Variants in CNGB3 observed in about 807,000 individuals in gnomAD.
CNGB3 encodes the protein cyclic nucleotide gated channel subunit beta 3, also known as cyclic nucleotide-gated channel beta-3.
A neutral mutation model predicts 92.8 loss-of-function variants in CNGB3; 86 were observed. That is an observed-to-expected ratio of 0.93 (90% CI 0.78 to 1.11). CNGB3 has a LOEUF of 1.11. Ranked by LOEUF, CNGB3 falls within the 50% of genes least tolerant of loss-of-function variation. The pLI is 0.00. For missense variants in CNGB3, 1,026 were observed against 956.8 expected (o/e 1.07, Z -0.95); for synonymous variants, 333 against 332.7 (o/e 1.00, Z -0.01).
chr8:86,642,893 T>C (rs1314452492), intron 10 of CNGB3, among the ~76,000 whole-genome samples: 2 of 151,578 alleles, frequency 1.3e-5, no homozygotes, highest in African/African-American at 4.8e-5. Context: ...TTAGTGGTTA[T>C]AGCTGACTCA....
intron 3 of CNGB3, among the ~76,000 whole-genome samples, chr8:86,689,124 T>G (rs561185109): frequency 1.3e-5 from 2 of 151,682 alleles, no homozygotes; most frequent in Admixed American, 1.3e-4. Context: ...TATTCCATTG[T>G]GGTCAGAGAA....
intron 2 of CNGB3, among the ~76,000 whole-genome samples, chr8:86,733,649 T>C (rs914054062): frequency 3.9e-5 from 6 of 152,228 alleles, no homozygotes; most frequent in Non-Finnish European, 8.8e-5. Flanking sequence ...GCCATAGTAG[T>C]ACTTCCTATG....
intron 15 of CNGB3, among the ~76,000 whole-genome samples, chr8:86,597,838 G>A (rs1326402536): frequency 2.6e-5 from 4 of 151,992 alleles, no homozygotes; most frequent in African/African-American, 2.4e-5. Context: ...AATTAGCTGC[G>A]CACGATGGCG....
intron 3 of CNGB3, among the ~76,000 whole-genome samples, chr8:86,723,859 A>C (rs1475351629): frequency 1.3e-5 from 2 of 152,220 alleles, no homozygotes; most frequent in Non-Finnish European, 2.9e-5. Flanking sequence ...AAGTGTTCTG[A>C]CAAAATCATG....
intron 3 of CNGB3, among the ~76,000 whole-genome samples, chr8:86,674,674 C>A (rs1401715524): frequency 1.3e-5 from 2 of 152,094 alleles, no homozygotes; most frequent in Admixed American, 1.3e-4. Context: ...TTTATATTAC[C>A]AATTTTATGC....
chr8:86,648,840 C>A (rs1405221956), intron 7 of CNGB3, among the ~76,000 whole-genome samples: 1 of 151,102 alleles, frequency 6.6e-6, no homozygotes, highest in African/African-American at 2.4e-5. Context: ...AGGGCATTCA[C>A]ATCAAAAAAG....
intron 2 of CNGB3, among the ~76,000 whole-genome samples, chr8:86,736,095 T>C (rs1175642638): frequency 6.6e-6 from 1 of 152,214 alleles, no homozygotes; most frequent in East Asian, 1.9e-4. Flanking sequence ...GTTGCATTCT[T>C]CATTTCCATG....
In CNGB3 at chr8:86,584,140, C is replaced by T. The variant is rs370828082; in HGVS notation, c.1782-4888G>A. 1.2e-3 allele frequency among the ~76,000 whole-genome samples: 176 copies of T among 152,252 alleles called. 2 individuals are homozygous for T. Among genetic ancestry groups the T allele is most frequent in the African/African-American group, 4.0e-3 (165 of 41,542 alleles). ...TTTACCCCATCTATCTATGTATCTA[C>T]GTATCATTCTGTCTGTCCTCTGTTG... On this transcript the variant is annotated intron_variant, in intron 15 of 17. Transcript: ENST00000320005.
At chr8:86,662,090 G>A (rs1206751402) in intron 6 of CNGB3, among the ~76,000 whole-genome samples, 3 of 152,194 alleles carry the variant, frequency 2.0e-5, no homozygotes, top group Admixed American at 1.3e-4. Context: ...AACTCAGTCC[G>A]CAAAGCTGAG....
chr8:86,611,650 A>G lies in CNGB3; in HGVS notation c.1600T>C (p.Tyr534His). Reference sequence around the variant, plus strand: ...GATTTCAATCTTAGCAACATGTCATAAATCATCTGTGTATCACAACCCTAT... The same window carrying G: ...GATTTCAATCTTAGCAACATGTCATGAATCATCTGTGTATCACAACCCTAT... ...LFKGCDTQMI[Y>H]DMLLRLKSVL... is the part of the protein sequence containing the mutation. The change falls in exon 14 of 18, where the codon TAT (tyrosine) becomes CAT (histidine). Residue 534 changes from tyrosine to histidine, a missense_variant. Tyr to His is a moderately conservative substitution (Grantham distance 83). Coordinates refer to ENST00000320005, the MANE Select transcript of CNGB3 (RefSeq NM_019098.5). 6.2e-7 allele frequency: 1 copy of G among 1,613,104 alleles called. No homozygotes were observed. Among genetic ancestry groups the G allele is most frequent in the Non-Finnish European group, 8.5e-7 (1 of 1,179,212 alleles).
At chr8:86,661,942 A>C in intron 6 of CNGB3, 1 of 668,654 alleles carries the variant, frequency 1.5e-6, no homozygotes, top group South Asian at 1.7e-5. Flanking sequence ...GCACGAGAAG[A>C]GGCTCAACCC....
chr8:86,737,443 T>G (rs966123698), intron 2 of CNGB3, among the ~76,000 whole-genome samples: 2 of 152,164 alleles, frequency 1.3e-5, no homozygotes, highest in Admixed American at 6.5e-5. Context: ...TTCTCCTAAA[T>G]AGAAACAAGT....
At chr8:86,617,008 A>C (rs574736725) in intron 13 of CNGB3, among the ~76,000 whole-genome samples, 1 of 152,358 alleles carries the variant, frequency 6.6e-6, no homozygotes, top group East Asian at 1.9e-4. Flanking sequence ...GACATATAGA[A>C]TGAAGCTGTT....
intron 2 of CNGB3, among the ~76,000 whole-genome samples, chr8:86,732,596 A>G (rs1825175734): frequency 6.6e-6 from 1 of 152,174 alleles, no homozygotes. Context: ...AGTTATCCAT[A>G]AGTTTTCTTA....
chr8:86,720,877 CACACACAA>C (rs1824959758), intron 3 of CNGB3, among the ~76,000 whole-genome samples: 3 of 133,788 alleles, frequency 2.2e-5, no homozygotes, highest in Non-Finnish European at 4.9e-5. Context: ...CACACACACA[CACACACAA>C]TGGAATACTA....
At chr8:86,628,500 G>A (rs1373549963) in intron 12 of CNGB3, among the ~76,000 whole-genome samples, 1 of 152,194 alleles carries the variant, frequency 6.6e-6, no homozygotes. Flanking sequence ...GTAAGAGCAA[G>A]AGTTTGGAAG....
At chr8:86,693,324 T>C (rs545463631) in intron 3 of CNGB3, among the ~76,000 whole-genome samples, 1 of 152,188 alleles carries the variant, frequency 6.6e-6, no homozygotes, top group East Asian at 1.9e-4. Flanking sequence ...ATATAAGTTT[T>C]CCAAACTTTT....
At chr8:86,634,731 T>C (rs866881252) in intron 10 of CNGB3, among the ~76,000 whole-genome samples, 1 of 151,356 alleles carries the variant, frequency 6.6e-6, no homozygotes, top group Non-Finnish European at 1.5e-5. Context: ...TTATTTCTTA[T>C]CTAGGTATGC....
chr8:86,732,363 C>T (rs1825171218), intron 2 of CNGB3, among the ~76,000 whole-genome samples: 1 of 152,108 alleles, frequency 6.6e-6, no homozygotes, highest in African/African-American at 2.4e-5. Context: ...GGGCTCTGCT[C>T]AATGGGGAAA....
Sources: gnomAD v4.1 joint callset for allele counts (sites outside exome capture counted in the v4.1 genomes callset) on GRCh38, gnomAD v4.1.1 for gene constraint, MANE v1.5 for transcripts, NCBI Gene and HGNC (gene_info 2026-07-23, HGNC 2026-07-21) for gene names.